The following ADAMTS14 variants were observed in gnomAD, a reference collection of about 807,000 sequenced individuals.
ADAMTS14 encodes A disintegrin and metalloproteinase with thrombospondin motifs 14.
In ADAMTS14, 100 loss-of-function variants were observed where a neutral mutation model predicts 128.6. The ratio of observed to expected loss-of-function variants is 0.78; its 90% CI spans 0.66 to 0.92. ADAMTS14 has a LOEUF of 0.92. Among genes scored for constraint, ADAMTS14 ranks in the 40% least tolerant of loss-of-function variants. The pLI is 0.00. For missense variants in ADAMTS14, 1,562 were observed against 1,658.6 expected, an observed-to-expected ratio of 0.94 and a Z score of 1.01; for synonymous variants, 665 against 653.8, an observed-to-expected ratio of 1.02 and a Z score of -0.26.
chr10:70,682,999 T>C (rs56093015), intron 2 of ADAMTS14, among the ~76,000 whole-genome samples: 41,007 of 152,162 alleles, frequency 0.27, 5,782 homozygotes, highest in Middle Eastern at 0.36. Context: ...GGGACAGCAT[T>C]TGTCGTCCTC....
At chr10:70,750,096 G>A in intron 16 of ADAMTS14, 111 bp downstream of exon 16, 1 of 1,361,486 alleles carries the variant, frequency 7.3e-7, no homozygotes, top group Non-Finnish European at 1.0e-6. Flanking sequence ...TTAGGAGCCT[G>A]GGCAAGGGCA....
intron 20 of ADAMTS14, 21 bp from the exon 21 acceptor site, chr10:70,758,154 A>G: frequency 6.2e-7 from 1 of 1,613,640 alleles, no homozygotes; most frequent in Non-Finnish European, 8.5e-7. Flanking sequence ...AAATACTAGA[A>G]TTGCTTCTTC....
chr10:70,734,811 A>C (rs1841773150), intron 8 of ADAMTS14, among the ~76,000 whole-genome samples: 1 of 152,200 alleles, frequency 6.6e-6, no homozygotes, highest in Admixed American at 6.5e-5. Context: ...CTTTCAGTAC[A>C]GAGTGAGTCC....
At chr10:70,750,865 C>T (rs922580928) in intron 16 of ADAMTS14, among the ~76,000 whole-genome samples, 1 of 152,240 alleles carries the variant, frequency 6.6e-6, no homozygotes, top group African/African-American at 2.4e-5. Flanking sequence ...AGATCAAAGA[C>T]CTAGATATAA....
At chr10:70,680,897 C>T (rs72814517) in intron 2 of ADAMTS14, among the ~76,000 whole-genome samples, 25,354 of 152,230 alleles carry the variant, frequency 0.17, 2,687 homozygotes, top group Middle Eastern at 0.24. Context: ...ATCCACCTGC[C>T]TCTGCCTCCC....
At chr10:70,755,532 C>T (rs12762984) in intron 19 of ADAMTS14, among the ~76,000 whole-genome samples, 11,495 of 152,196 alleles carry the variant, frequency 0.076, 564 homozygotes, top group Middle Eastern at 0.12. Flanking sequence ...CTTAATGCCA[C>T]TGAACCATAG....
chr10:70,699,592 C>T (rs1013875053), intron 2 of ADAMTS14, among the ~76,000 whole-genome samples: 1 of 152,054 alleles, frequency 6.6e-6, no homozygotes, highest in Non-Finnish European at 1.5e-5. Flanking sequence ...GGTCTGTAGC[C>T]CATGATTGTG....
chr10:70,734,204 G>C (rs923758953), intron 8 of ADAMTS14, among the ~76,000 whole-genome samples, 176 bp downstream of exon 8: 6 of 152,202 alleles, frequency 3.9e-5, no homozygotes, highest in African/African-American at 1.4e-4. Flanking sequence ...TAGCAGGTGG[G>C]TTAGTCTAGT....
At chr10:70,700,584 G>C (rs1488238708) in intron 2 of ADAMTS14, among the ~76,000 whole-genome samples, 1 of 152,128 alleles carries the variant, frequency 6.6e-6, no homozygotes, top group Non-Finnish European at 1.5e-5. Context: ...AAGAGTGTTG[G>C]GCCTCTCACT....
intron 14 of ADAMTS14, among the ~76,000 whole-genome samples, 156 bp downstream of exon 14, chr10:70,744,345 G>A (rs546971645): frequency 2.6e-5 from 4 of 152,314 alleles, no homozygotes; most frequent in East Asian, 3.9e-4. Flanking sequence ...CCAGGCTGGT[G>A]AGCCAGGTGC....
chr10:70,761,075 C>A lies in ADAMTS14; in HGVS notation c.*222C>A. 1 of 653,204 alleles carries A rather than the reference C, an allele frequency of 1.5e-6. No homozygotes were observed. The highest frequency in any genetic ancestry group is 2.4e-6 in the Non-Finnish European group (1 of 422,324). The allele number at this position is 653,204 out of a possible 1,614,324, so 40.5% of individuals were successfully genotyped here. On this transcript the variant is annotated 3_prime_UTR_variant, in exon 22 of 22. Coordinates refer to ENST00000373207, the MANE Select transcript of ADAMTS14 (RefSeq NM_080722.4). ...TAATCGGAGATACCTCAGCAAGCTG[C>A]CCCCGGCGGGACTGACCCTCTCAGG...
At chr10:70,710,090 A>G (rs1252592751) in intron 4 of ADAMTS14, among the ~76,000 whole-genome samples, 2 of 152,188 alleles carry the variant, frequency 1.3e-5, no homozygotes, top group Non-Finnish European at 2.9e-5. Flanking sequence ...GCCCTCCCCT[A>G]TGAAGTGTAG....
chr10:70,752,293 G>T (rs1482954722), intron 18 of ADAMTS14, 66 bp downstream of exon 18: 2 of 1,585,020 alleles, frequency 1.3e-6, no homozygotes, highest in Non-Finnish European at 1.7e-6. Context: ...AGGCAGCGGG[G>T]CTGCTGAGCC....
At chr10:70,700,765 C>A (rs901752021) in intron 2 of ADAMTS14, among the ~76,000 whole-genome samples, 1 of 152,220 alleles carries the variant, frequency 6.6e-6, no homozygotes, top group African/African-American at 2.4e-5. Context: ...TTCGTCATAG[C>A]ACCGGGCAGG....
At chr10:70,674,357 T>C (rs945488335) in intron 1 of ADAMTS14, among the ~76,000 whole-genome samples, 199 bp from the exon 2 acceptor site, 2 of 152,150 alleles carry the variant, frequency 1.3e-5, no homozygotes, top group Admixed American at 1.3e-4. Context: ...TGCCACAAGG[T>C]ACCCGAACAC....
chr10:70,696,265 A>G (rs941773123), intron 2 of ADAMTS14, among the ~76,000 whole-genome samples: 1 of 151,950 alleles, frequency 6.6e-6, no homozygotes, highest in Non-Finnish European at 1.5e-5. Flanking sequence ...TAGGGGGACC[A>G]CATCCAGCCA....
chr10:70,702,424 TC>T lies in ADAMTS14; in HGVS notation c.637del (p.Gln213SerfsTer76). ...RTHVVYRREAVQQEWAEPDGD... is the reference protein window; with the variant it reads ...RTHVVYRREAXQQEWAEPDGD... ...CATGTGGTGTACCGCCGGGAGGCCG[TC>T]CAGCAGGAGTGGGCAGAACCTGACG... is the stretch of plus-strand genomic sequence containing the variant. On this transcript the variant is annotated frameshift_variant, in exon 3 of 22. Coordinates refer to ENST00000373207, the MANE Select transcript of ADAMTS14 (RefSeq NM_080722.4). LOFTEE classifies it high-confidence loss of function. 6.2e-7 allele frequency: 1 copy of T among 1,613,542 alleles called. No homozygotes were observed. The highest frequency in any genetic ancestry group is 8.5e-7 in the Non-Finnish European group (1 of 1,179,742).
chr10:70,708,826 G>GCCCCAC (rs1554817524), intron 4 of ADAMTS14, 48 bp downstream of exon 4: 1 of 395,608 alleles, frequency 2.5e-6, no homozygotes, highest in Non-Finnish European at 4.8e-6. Flanking sequence ...GGTGGGGTGG[G>GCCCCAC]CCCCACCCCA....
Position 70,735,300 on chromosome 10 carries a change from C to T in ADAMTS14, c.1484C>T (p.Ala495Val), listed in dbSNP as rs1162894675. Residue 495 changes from alanine (A) to valine (V), a missense_variant and splice_region_variant, in exon 9 of 22, where the codon GCA (alanine) becomes GTA (valine). Physicochemically the swap from Ala to Val is moderately conservative, Grantham distance 64 (BLOSUM62 0). Coordinates refer to ENST00000373207, the MANE Select transcript of ADAMTS14 (RefSeq NM_080722.4). ...GGCAGTGGCTACCAGACCTGCTTGG[C>T]AGTAAGTAGCCATCTGGCCTCTGCC... Reference protein sequence around the residue: ...DFGSGYQTCLAFRTFEPCKQL... With the variant: ...DFGSGYQTCLVFRTFEPCKQL... 6.2e-7 allele frequency: 1 copy of T among 1,613,494 alleles called. No homozygotes were observed. The highest frequency in any genetic ancestry group is 1.7e-5 in the Admixed American group (1 of 59,970).
Sources: allele counts gnomAD v4.1 joint callset (sites outside exome capture counted in the v4.1 genomes callset), GRCh38; gene constraint gnomAD v4.1.1; transcripts MANE v1.5; gene names NCBI Gene and HGNC (gene_info 2026-07-23, HGNC 2026-07-21).